Variants in BCL11B observed in about 807,000 individuals in gnomAD.
BCL11B encodes BCL11 transcription factor B.
Under a neutral mutation model 49.9 loss-of-function variants are expected in BCL11B, and 8 were observed. That is an observed-to-expected ratio of 0.16 (90% confidence interval 0.09 to 0.29). BCL11B has a LOEUF of 0.29. Among genes scored for constraint, BCL11B ranks in the 10% least tolerant of loss-of-function variants. BCL11B has a pLI of 1.00. For synonymous variants in BCL11B, 739 were observed against 637.4 expected, an observed-to-expected ratio of 1.16 and a Z score of -2.40; for missense variants, 1,006 against 1,351.0, an observed-to-expected ratio of 0.74 and a Z score of 4.00.
chr14:99,222,338 CTG>C (rs1372188444), intron 3 of BCL11B, among the ~76,000 whole-genome samples: 1 of 152,172 alleles, frequency 6.6e-6, no homozygotes, highest in Non-Finnish European at 1.5e-5. Flanking sequence ...GCAGCGTTTT[CTG>C]TGTTTCCTCT....
chr14:99,208,927 A>G (rs1226456969), intron 3 of BCL11B, among the ~76,000 whole-genome samples: 1 of 152,226 alleles, frequency 6.6e-6, no homozygotes, highest in Non-Finnish European at 1.5e-5. Context: ...CAACGTGGAC[A>G]TGGAAACCTC....
rs776232532 is a variant in BCL11B at position 99,175,347 on chromosome 14, A to T, written c.1489T>A (p.Ser497Thr). ...AGCTCGCTGGTGCCGGGCTCGGGGG[A>T]GCTGGCGGCCGAGAGCCCGTCGTCG... ...RSDDGLSAAS[S>T]PEPGTSELAG... Residue 497 changes from serine (S) to threonine (T), a missense_variant, in exon 4 of 4, where the codon TCC becomes ACC. Ser to Thr is a moderately conservative substitution (Grantham distance 58). Coordinates refer to ENST00000357195, the MANE Select transcript of BCL11B (RefSeq NM_138576.4). 3 of 1,554,954 alleles carry T rather than the reference A, an allele frequency of 1.9e-6. No individual in the cohort carries two copies. Among genetic ancestry groups the T allele is most frequent in the Non-Finnish European group, 2.6e-6 (3 of 1,156,768 alleles).
At chr14:99,266,642 T>G (rs1447753510) in intron 1 of BCL11B, among the ~76,000 whole-genome samples, 6 of 152,240 alleles carry the variant, frequency 3.9e-5, no homozygotes, top group African/African-American at 4.8e-5. Context: ...TAAGGTATTT[T>G]GCAGCAACGT....
chr14:99,239,506 T>C (rs530545838), intron 2 of BCL11B, among the ~76,000 whole-genome samples: 3 of 152,176 alleles, frequency 2.0e-5, no homozygotes, highest in Non-Finnish European at 4.4e-5. Context: ...TCAGATATGT[T>C]CCTATTTCTT....
intron 2 of BCL11B, among the ~76,000 whole-genome samples, chr14:99,250,128 T>C (rs1299809342): frequency 6.8e-6 from 1 of 146,406 alleles, no homozygotes; most frequent in African/African-American, 2.6e-5. Context: ...CTCCACCTCC[T>C]GGGTTCACAC....
intron 2 of BCL11B, among the ~76,000 whole-genome samples, chr14:99,235,370 G>A (rs1162168186): frequency 2.0e-5 from 3 of 152,200 alleles, no homozygotes; most frequent in African/African-American, 4.8e-5. Context: ...GAGGCAGCGC[G>A]TGTGAGTGAG....
rs747417034 is a variant in BCL11B at position 99,257,853 on chromosome 14, G to T, written c.59-14C>A. 2 of 1,504,646 alleles carry T rather than the reference G, an allele frequency of 1.3e-6. No individual in the cohort carries two copies. Among genetic ancestry groups the T allele is most frequent in the African/African-American group, 2.8e-5 (2 of 71,598 alleles). The allele number at this position is 1,504,646 out of a possible 1,614,324, so 93.2% of individuals were successfully genotyped here. The stretch of plus-strand genomic sequence containing the variant: ...GGTCAGCCTCTGCTGGAGACAGAAA[G>T]AAGAAAGGGAAGGGGCAGAGAAGAT... On this transcript the variant is annotated splice_polypyrimidine_tract_variant and intron_variant, in intron 1 of 3. Transcript: ENST00000357195. This position sits in a 1 kb window ranked among gnomAD's most constrained non-coding sequence, Gnocchi z 6.2.
In BCL11B at chr14:99,213,951, C is replaced by T. The variant is rs1344536036; in HGVS notation, c.640+17394G>A. Among the ~76,000 whole-genome samples the T allele has an allele frequency of 6.6e-6, 1 of 152,140 alleles. No homozygotes were observed. The highest frequency in any genetic ancestry group is 1.5e-5 in the Non-Finnish European group (1 of 68,016). On this transcript the variant is annotated intron_variant, in intron 3 of 3. Transcript: ENST00000357195. The surrounding 1 kb of genome is among the most constrained non-coding windows in gnomAD (Gnocchi z 5.1). ...TCCTCCGAGAGGCTTGGCCCCAGGACACTGACTCCTCCCTCTCCCTAGACC... is the reference window on the plus strand; with the variant it reads ...TCCTCCGAGAGGCTTGGCCCCAGGATACTGACTCCTCCCTCTCCCTAGACC...
Position 99,231,519 on chromosome 14 carries a change from T to C in BCL11B, c.466A>G (p.Ile156Val), listed in dbSNP as rs756234100. ...GAGTGAGGGTGGGAGGAGGCAGCTA[T>C]GGGGGCCACCGCTGGCAGCTGGGCA... ...RPAQLPAVAPIAASSHPHSSV... is the reference protein window; with the variant it reads ...RPAQLPAVAPVAASSHPHSSV... The change falls in exon 3 of 4, where the codon ATA becomes GTA. Residue 156 changes from isoleucine to valine, a missense_variant. Physicochemically the swap from Ile to Val is conservative, Grantham distance 29. This residue lies in a region of BCL11B where 411 missense variants were observed against 542.2 expected (regional missense o/e 0.76). Coordinates refer to ENST00000357195, the MANE Select transcript of BCL11B (RefSeq NM_138576.4). This position sits in a 1 kb window ranked among gnomAD's most constrained non-coding sequence, Gnocchi z 8.1. 6.3e-7 allele frequency: 1 copy of C among 1,595,430 alleles called. No homozygotes were observed. Among genetic ancestry groups the C allele is most frequent in the South Asian group, 1.1e-5 (1 of 88,354 alleles).
intron 2 of BCL11B, among the ~76,000 whole-genome samples, chr14:99,253,492 C>T (rs1889067900): frequency 6.6e-6 from 1 of 152,162 alleles, no homozygotes; most frequent in South Asian, 2.1e-4. Context: ...ATTTGCAGCA[C>T]ACCTACCCCC....
rs764153286 is a variant in BCL11B at position 99,170,010 on chromosome 14, A to G, written c.*4141T>C. 8.8e-6 allele frequency: 2 copies of G among 228,200 alleles called. No homozygotes were observed. Among genetic ancestry groups the G allele is most frequent in the Admixed American group, 5.7e-5 (1 of 17,588 alleles). 14.1% of individuals were successfully genotyped at this position (228,200 alleles called of 1,614,324 possible). A position where few individuals can be genotyped will look rare whatever the true frequency, so the allele number is the denominator to read the frequency against. On this transcript the variant is annotated 3_prime_UTR_variant, in exon 4 of 4. Transcript: ENST00000357195. Reference sequence around the variant, plus strand: ...GCTTCCGTGTTGGTTTTTTAAACACAAAACAGAAGCAAAATTCTCTCTTCT... The same window carrying G: ...GCTTCCGTGTTGGTTTTTTAAACACGAAACAGAAGCAAAATTCTCTCTTCT...
In BCL11B at chr14:99,205,225, T is replaced by C. The variant is rs1887500218; in HGVS notation, c.640+26120A>G. Among the ~76,000 whole-genome samples, 1 of 151,926 alleles carries C rather than the reference T, an allele frequency of 6.6e-6. No individual in the cohort carries two copies. Among genetic ancestry groups the C allele is most frequent in the South Asian group, 2.1e-4 (1 of 4,832 alleles). On this transcript the variant is annotated intron_variant, in intron 3 of 3. Transcript: ENST00000357195. This position sits in a 1 kb window ranked among gnomAD's most constrained non-coding sequence, Gnocchi z 5.0. ...GGCTGTCAAGAGAGAATTCTACAGC[T>C]GGTAGTGATGACGGCTCCATCCTAC...
chr14:99,265,721 G>C (rs1314391873), intron 1 of BCL11B, among the ~76,000 whole-genome samples: 2 of 152,204 alleles, frequency 1.3e-5, no homozygotes, highest in Non-Finnish European at 2.9e-5. Flanking sequence ...ATTAAATGAA[G>C]TAGAGAAATC....
intron 2 of BCL11B, among the ~76,000 whole-genome samples, chr14:99,255,548 C>T (rs1015224983): frequency 6.6e-6 from 1 of 152,090 alleles, no homozygotes; most frequent in African/African-American, 2.4e-5. Flanking sequence ...CAGTGATCTG[C>T]AGCCTCTCAT....
chr14:99,216,439 C>G (rs553608953), intron 3 of BCL11B, among the ~76,000 whole-genome samples: 27 of 152,324 alleles, frequency 1.8e-4, no homozygotes, highest in Admixed American at 9.1e-4. Context: ...GGATTTGAAC[C>G]CAGCCGTCCA....
intron 2 of BCL11B, among the ~76,000 whole-genome samples, chr14:99,253,597 A>C (rs1327314228): frequency 3.3e-5 from 5 of 152,152 alleles, no homozygotes; most frequent in Admixed American, 6.5e-5. Flanking sequence ...GGCAGGGAGC[A>C]GGGTGGGGCT....
intron 3 of BCL11B, among the ~76,000 whole-genome samples, chr14:99,200,683 C>T (rs1887353608): frequency 6.6e-6 from 1 of 152,264 alleles, no homozygotes. Context: ...TCACAGACCC[C>T]CATGGCCACA....
At chr14:99,216,539 CCTCT>C (rs1430298279) in intron 3 of BCL11B, among the ~76,000 whole-genome samples, 2 of 152,286 alleles carry the variant, frequency 1.3e-5, no homozygotes, top group African/African-American at 2.4e-5. Context: ...CTGTGGGCTC[CCTCT>C]GAGATTGGGG....
At chr14:99,270,046 G>C (rs1048840849) in intron 1 of BCL11B, among the ~76,000 whole-genome samples, 4 of 152,006 alleles carry the variant, frequency 2.6e-5, no homozygotes, top group Non-Finnish European at 5.9e-5. Flanking sequence ...GCGGGGACTC[G>C]GGGCGGGTTC....
Sources: allele counts gnomAD v4.1 joint callset (sites outside exome capture counted in the v4.1 genomes callset), GRCh38; gene constraint gnomAD v4.1.1; regional missense constraint gnomAD v4.1.1; non-coding constraint Gnocchi (gnomAD v3.1); transcripts MANE v1.5; gene names NCBI Gene and HGNC (gene_info 2026-07-23, HGNC 2026-07-21).